The following WWOX variants were observed in gnomAD, a reference collection of about 807,000 sequenced individuals.
WWOX encodes WW domain-containing oxidoreductase.
Under a neutral mutation model 46.2 loss-of-function variants are expected in WWOX, and 69 were observed. The ratio of observed to expected loss-of-function variants is 1.49; its 90% CI spans 1.23 to 1.82. WWOX has a LOEUF of 1.82. Ranked by LOEUF, WWOX falls within the 40% of genes most tolerant of loss-of-function variation. WWOX has a pLI of 0.00. For missense variants in WWOX, 919 were observed against 542.6 expected (o/e 1.69, Z -6.89); for synonymous variants, 359 against 202.6 (o/e 1.77, Z -6.56).
chr16:78,326,227 T>C (rs148671962), intron 5 of WWOX, among the ~76,000 whole-genome samples: 69 of 152,324 alleles, frequency 4.5e-4, no homozygotes, highest in African/African-American at 1.6e-3. Context: ...ATTATGGGGA[T>C]GCTCACAAAA....
chr16:78,320,562 G>A (rs1057331346), intron 5 of WWOX, among the ~76,000 whole-genome samples: 1 of 152,180 alleles, frequency 6.6e-6, no homozygotes, highest in Non-Finnish European at 1.5e-5. Flanking sequence ...ATTATCTGGA[G>A]AAGGTATTGA....
chr16:78,874,224 C>G (rs141008424), intron 8 of WWOX, among the ~76,000 whole-genome samples: 33 of 147,066 alleles, frequency 2.2e-4, no homozygotes, highest in Non-Finnish European at 2.8e-4. Context: ...CCGCTGCACT[C>G]TAGCATGGGC....
intron 8 of WWOX, among the ~76,000 whole-genome samples, chr16:78,751,977 C>G (rs1038000710): frequency 4.7e-5 from 7 of 149,640 alleles, no homozygotes; most frequent in Admixed American, 2.0e-4. Context: ...TGCCACAATA[C>G]TTCTAAAGAG....
chr16:78,433,372 C>G (rs568449133), intron 8 of WWOX, among the ~76,000 whole-genome samples: 2 of 152,070 alleles, frequency 1.3e-5, no homozygotes, highest in East Asian at 3.9e-4. Context: ...GTTTGGTGTT[C>G]ATTTATCGAC....
At chr16:78,449,480 G>A (rs2083640394) in intron 8 of WWOX, among the ~76,000 whole-genome samples, 1 of 152,094 alleles carries the variant, frequency 6.6e-6, no homozygotes, top group Admixed American at 6.6e-5. Flanking sequence ...TGCCTTTTGG[G>A]GACCCTGCTA....
chr16:79,054,805 G>A (rs1297719649), intron 8 of WWOX, among the ~76,000 whole-genome samples: 1 of 152,198 alleles, frequency 6.6e-6, no homozygotes, highest in Non-Finnish European at 1.5e-5. Flanking sequence ...CAGCCTGGAT[G>A]AAAGAGTATG....
At chr16:78,744,178 G>A (rs2049293909) in intron 8 of WWOX, among the ~76,000 whole-genome samples, 1 of 152,058 alleles carries the variant, frequency 6.6e-6, no homozygotes, top group African/African-American at 2.4e-5. Flanking sequence ...CCGTAAAGGT[G>A]GTATTTGAAC....
chr16:78,594,025 T>C lies in WWOX; in HGVS notation c.1056+161273T>C, dbSNP rs555500847. ...AAGTCTCAGTTTCGTCTCCTGTCAA[T>C]TGGGAAAATATCGTGAGGCGGAGAT... On this transcript the variant is annotated intron_variant, in intron 8 of 8. Coordinates refer to ENST00000566780, the MANE Select transcript of WWOX (RefSeq NM_016373.4). Among the ~76,000 whole-genome samples, 86 of 152,298 alleles carry C rather than the reference T, an allele frequency of 5.6e-4. 1 individual carries two copies. The highest frequency in any genetic ancestry group is 2.0e-3 in the African/African-American group (82 of 41,570).
intron 8 of WWOX, among the ~76,000 whole-genome samples, chr16:79,078,467 C>T (rs1022689364): frequency 2.6e-5 from 4 of 152,096 alleles, no homozygotes; most frequent in African/African-American, 4.8e-5. Context: ...AGAGGAGAGT[C>T]CCTTGAATGC....
intron 8 of WWOX, among the ~76,000 whole-genome samples, chr16:79,066,203 C>T (rs1043911293): frequency 1.3e-5 from 2 of 152,182 alleles, no homozygotes; most frequent in African/African-American, 2.4e-5. Flanking sequence ...CACTGTTCCA[C>T]GTGGGACGTT....
chr16:78,812,986 G>C (rs1376554529), intron 8 of WWOX, among the ~76,000 whole-genome samples: 1 of 151,592 alleles, frequency 6.6e-6, no homozygotes, highest in Admixed American at 6.6e-5. Context: ...GAATCTTTGG[G>C]GAAACACAAT....
At chr16:78,263,638 A>AG (rs2079295076) in intron 5 of WWOX, among the ~76,000 whole-genome samples, 1 of 150,970 alleles carries the variant, frequency 6.6e-6, no homozygotes, top group South Asian at 2.1e-4. Flanking sequence ...AGAGAGAGAG[A>AG]AAGAAAAGAA....
intron 5 of WWOX, among the ~76,000 whole-genome samples, chr16:78,176,487 C>T (rs1164355821): frequency 6.6e-6 from 1 of 152,186 alleles, no homozygotes; most frequent in Non-Finnish European, 1.5e-5. Context: ...ACCGGCAATT[C>T]TCAGATTCTA....
chr16:78,674,494 A>T (rs893050511), intron 8 of WWOX, among the ~76,000 whole-genome samples: 3 of 152,088 alleles, frequency 2.0e-5, no homozygotes, highest in African/African-American at 7.2e-5. Flanking sequence ...CATGTTAGCC[A>T]GGCTGGTCTC....
chr16:78,941,840 C>CT (rs1363803514), intron 8 of WWOX, among the ~76,000 whole-genome samples: 4 of 152,096 alleles, frequency 2.6e-5, no homozygotes, highest in East Asian at 1.9e-4. Context: ...ACTATTTTTT[C>CT]TTTTTTTGTA....
At chr16:78,417,299 T>G (rs975161666) in intron 6 of WWOX, among the ~76,000 whole-genome samples, 4 of 152,084 alleles carry the variant, frequency 2.6e-5, no homozygotes, top group African/African-American at 7.2e-5. Flanking sequence ...TGCTATGTTG[T>G]CCAGGTTGGT....
rs546587464 is a variant in WWOX, at chr16:78,332,865, G to A, written c.517-53995G>A. Reference sequence around the variant, plus strand: ...CAGAAATTTAAAATTGCTTCATGTCGCACAGTTCAGTGTAAAGTTGCAATG... The same window carrying A: ...CAGAAATTTAAAATTGCTTCATGTCACACAGTTCAGTGTAAAGTTGCAATG... On this transcript the variant is annotated intron_variant, in intron 5 of 8. Transcript: ENST00000566780. Among the ~76,000 whole-genome samples, 19 of 152,016 alleles carry A rather than the reference G, an allele frequency of 1.2e-4. No homozygotes were observed. The South Asian group carries it at 3.9e-3, about 32-fold the overall frequency.
intron 5 of WWOX, among the ~76,000 whole-genome samples, chr16:78,172,438 A>C (rs1193098629): frequency 6.6e-6 from 1 of 152,180 alleles, no homozygotes; most frequent in East Asian, 1.9e-4. Flanking sequence ...GGTTGCTAAA[A>C]TATTCTGAGT....
At chr16:78,273,235 C>T (rs988826553) in intron 5 of WWOX, among the ~76,000 whole-genome samples, 4 of 152,164 alleles carry the variant, frequency 2.6e-5, no homozygotes, top group African/African-American at 9.7e-5. Flanking sequence ...CTATGCCAAA[C>T]TTCCTAGCCT....
Sources: gnomAD v4.1 joint callset for allele counts (sites outside exome capture counted in the v4.1 genomes callset) on GRCh38, gnomAD v4.1.1 for gene constraint, MANE v1.5 for transcripts, NCBI Gene and HGNC (gene_info 2026-07-23, HGNC 2026-07-21) for gene names.